NDUFA9: variants seen among roughly 807,000 people sequenced by gnomAD.
NDUFA9 encodes the protein NADH dehydrogenase [ubiquinone] 1 alpha subcomplex subunit 9, mitochondrial.
A neutral mutation model predicts 45.9 loss-of-function variants in NDUFA9; 23 were observed. That is an observed-to-expected ratio of 0.50 (90% confidence interval 0.36 to 0.71). The LOEUF (loss-of-function observed/expected upper bound fraction) is 0.71, where lower values mean the gene tolerates loss of function less well. NDUFA9 is among the 30% of genes least tolerant of loss of function. The pLI is 0.00. For missense variants in NDUFA9, 466 were observed against 488.2 expected (o/e 0.95, Z 0.43); for synonymous variants, 176 against 170.5 (o/e 1.03, Z -0.25).
intron 8 of NDUFA9, among the ~76,000 whole-genome samples, chr12:4,677,693 G>A (rs1268607050): frequency 6.6e-6 from 1 of 152,186 alleles, no homozygotes; most frequent in East Asian, 1.9e-4. Flanking sequence ...TTCCACTGTT[G>A]GTGGAAGTGT....
intron 8 of NDUFA9, among the ~76,000 whole-genome samples, chr12:4,676,952 T>G (rs1260689423): frequency 1.3e-5 from 2 of 151,980 alleles, no homozygotes; most frequent in Non-Finnish European, 2.9e-5. Context: ...CCAAAACAGG[T>G]ATATAGACCA....
chr12:4,657,710 C>T (rs1229177442), intron 3 of NDUFA9, 38 bp from the exon 4 acceptor site: 4 of 1,464,828 alleles, frequency 2.7e-6, no homozygotes, highest in African/African-American at 2.8e-5. Flanking sequence ...CTGAGGTATA[C>T]CCCTATGTTT....
At chr12:4,686,613 AC>A (rs1459889325) in intron 10 of NDUFA9, among the ~76,000 whole-genome samples, 1 of 152,098 alleles carries the variant, frequency 6.6e-6, no homozygotes, top group East Asian at 1.9e-4. Context: ...AAGTGTGGTG[AC>A]TTGTGCTTCC....
intron 8 of NDUFA9, among the ~76,000 whole-genome samples, chr12:4,678,122 T>C (rs1175043067): frequency 1.3e-5 from 2 of 152,014 alleles, no homozygotes. Context: ...CATCACACAC[T>C]GGGGCCTGCT....
At chr12:4,674,903 T>C (rs1206109413) in intron 8 of NDUFA9, among the ~76,000 whole-genome samples, 1 of 152,206 alleles carries the variant, frequency 6.6e-6, no homozygotes, top group Non-Finnish European at 1.5e-5. Context: ...CTTCTAAAAT[T>C]GACCACATAA....
intron 6 of NDUFA9, among the ~76,000 whole-genome samples, chr12:4,665,346 G>A (rs923825091): frequency 1.3e-5 from 2 of 151,926 alleles, no homozygotes; most frequent in South Asian, 2.1e-4. Context: ...TTGTCTTTTC[G>A]TAGCTGGCTT....
chr12:4,676,655 C>G (rs781494993), intron 8 of NDUFA9, among the ~76,000 whole-genome samples: 2 of 152,144 alleles, frequency 1.3e-5, no homozygotes, highest in Non-Finnish European at 1.5e-5. Context: ...AGGACACAAA[C>G]AAACAAATGG....
intron 4 of NDUFA9, among the ~76,000 whole-genome samples, chr12:4,658,544 T>C (rs954595825): frequency 2.4e-4 from 37 of 152,234 alleles, no homozygotes; most frequent in Non-Finnish European, 4.6e-4. Context: ...GGAAACAAAG[T>C]CCCGGGGTAA....
chr12:4,661,159 C>A (rs1945821149), intron 5 of NDUFA9, among the ~76,000 whole-genome samples: 1 of 152,042 alleles, frequency 6.6e-6, no homozygotes, highest in Non-Finnish European at 1.5e-5. Flanking sequence ...TGGCACTGTT[C>A]CTCCCATCAG....
At chr12:4,668,027 C>T (rs1945863653) in intron 6 of NDUFA9, among the ~76,000 whole-genome samples, 1 of 151,970 alleles carries the variant, frequency 6.6e-6, no homozygotes, top group Non-Finnish European at 1.5e-5. Context: ...GTTATCTGTG[C>T]TGTATCACTC....
chr12:4,654,318 T>A lies in NDUFA9; in HGVS notation c.76T>A (p.Ser26Thr). Residue 26 changes from serine to threonine, a missense_variant, in exon 2 of 11, where the codon TCT (serine) becomes ACT (threonine). By Grantham distance (58) the Ser-to-Thr change is moderately conservative. Coordinates refer to ENST00000266544, the MANE Select transcript of NDUFA9 (RefSeq NM_005002.5). Reference sequence around the variant, plus strand: ...TTCTGCCATTACTGCAATAGCCACATCTGTGTGTCACGGCCCACCCTGTCG... The same window carrying A: ...TTCTGCCATTACTGCAATAGCCACAACTGTGTGTCACGGCCCACCCTGTCG... ...SRSAITAIAT[S>T]VCHGPPCRQL... is the part of the protein sequence containing the mutation. 1 of 1,614,160 alleles carries A rather than the reference T, an allele frequency of 6.2e-7. No homozygotes were observed. Among genetic ancestry groups the A allele is most frequent in the Admixed American group, 1.7e-5 (1 of 60,030 alleles).
intron 10 of NDUFA9, 120 bp downstream of exon 10, chr12:4,685,445 C>A: frequency 2.2e-6 from 2 of 916,786 alleles, no homozygotes; most frequent in South Asian, 1.6e-5. Flanking sequence ...TGTCTGCAGT[C>A]AGCCCCTCTA....
rs756344152 is a variant in NDUFA9 at position 4,686,957 on chromosome 12, A to T, written c.983A>T (p.Lys328Ile). 12 of 1,613,916 alleles carry T rather than the reference A, an allele frequency of 7.4e-6. No homozygotes were observed. The East Asian group carries it at 2.7e-4, about 36-fold the overall frequency. Reference sequence around the variant, plus strand: ...CCAAAGATGCACATCACAGACATGAAATTGCCTCACCTGCCTGGCTTAGAA... The same window carrying T: ...CCAAAGATGCACATCACAGACATGATATTGCCTCACCTGCCTGGCTTAGAA... ...KVERMHITDMKLPHLPGLEDL... is the reference protein window; with the variant it reads ...KVERMHITDMILPHLPGLEDL... Residue 328 changes from lysine to isoleucine, a missense_variant, in exon 11 of 11, where the codon AAA becomes ATA. Coordinates refer to ENST00000266544, the MANE Select transcript of NDUFA9 (RefSeq NM_005002.5).
intron 3 of NDUFA9, chr12:4,657,111 A>G (rs1945794979): frequency 2.6e-5 from 4 of 152,228 alleles, no homozygotes; most frequent in Non-Finnish European, 5.9e-5. Context: ...AGAAATTCTT[A>G]TTACTTGTTA....
At chr12:4,657,529 A>G (rs887645817) in intron 3 of NDUFA9, 12 of 488,774 alleles carry the variant, frequency 2.5e-5, no homozygotes, top group Non-Finnish European at 4.0e-5. Flanking sequence ...TTACCTGAGT[A>G]AAGTGTACTG....
At chr12:4,649,716 G>A (rs1945744583) in intron 1 of NDUFA9, among the ~76,000 whole-genome samples, 1 of 152,214 alleles carries the variant, frequency 6.6e-6, no homozygotes, top group African/African-American at 2.4e-5. Flanking sequence ...CTCTACGGAT[G>A]TAGAATGTGT....
chr12:4,663,371 A>G (rs544663927), intron 6 of NDUFA9, among the ~76,000 whole-genome samples: 4 of 152,136 alleles, frequency 2.6e-5, no homozygotes, highest in Non-Finnish European at 5.9e-5. Flanking sequence ...GCGCCCCCTC[A>G]TAATTCGTAT....
In NDUFA9 at chr12:4,685,327, T is replaced by A. The variant is rs1945979061; in HGVS notation, c.963+2T>A. On this transcript the variant is annotated splice_donor_variant, in intron 10 of 10. Coordinates refer to ENST00000266544, the MANE Select transcript of NDUFA9 (RefSeq NM_005002.5). LOFTEE classifies it high-confidence loss of function. ...ATAACAAGGGATAAAGTGGAGCGGG[T>A]GAGTACATGTGTGGAAAGCGTCTGC... 1 of 1,609,708 alleles carries A rather than the reference T, an allele frequency of 6.2e-7. No homozygotes were observed. Among genetic ancestry groups the A allele is most frequent in the Non-Finnish European group, 8.5e-7 (1 of 1,176,314 alleles).
rs569384588 is a variant in NDUFA9 at position 4,690,762 on chromosome 12, G to A, written c.*3654G>A. 1 of 152,020 alleles carries A rather than the reference G, an allele frequency of 6.6e-6. No individual in the cohort carries two copies. The highest frequency in any genetic ancestry group is 2.1e-4 in the South Asian group (1 of 4,806). The allele number at this position is 152,020 out of a possible 1,614,324, so 9.4% of individuals were successfully genotyped here. On this transcript the variant is annotated 3_prime_UTR_variant, in exon 11 of 11. Coordinates refer to ENST00000266544, the MANE Select transcript of NDUFA9 (RefSeq NM_005002.5). ...AAGGTACATGATGGAAGCATATATG[G>A]GAATATATGCAAAGATCTCTGAGAA...
Sources: allele counts gnomAD v4.1 joint callset (sites outside exome capture counted in the v4.1 genomes callset), GRCh38; gene constraint gnomAD v4.1.1; transcripts MANE v1.5; gene names NCBI Gene and HGNC (gene_info 2026-07-23, HGNC 2026-07-21).